Variants in USP22 observed in about 807,000 individuals in gnomAD.
USP22 encodes ubiquitin specific peptidase 22.
Under a neutral mutation model 68.1 loss-of-function variants are expected in USP22, and 22 were observed. That is an observed-to-expected ratio of 0.32 (90% CI 0.23 to 0.46). The LOEUF (loss-of-function observed/expected upper bound fraction) is 0.46. USP22 is among the 20% of genes least tolerant of loss of function. The pLI, the probability that USP22 is intolerant of heterozygous loss-of-function variation, is 1.00. For synonymous variants in USP22, 279 were observed against 274.2 expected, an observed-to-expected ratio of 1.02 and a Z score of -0.17; for missense variants, 433 against 695.8, an observed-to-expected ratio of 0.62 and a Z score of 4.25.
intron 2 of USP22, among the ~76,000 whole-genome samples, chr17:21,027,292 C>CAAAAAAAAAAAAAAGAAAA (rs1972233434): frequency 1.4e-5 from 1 of 72,300 alleles, no homozygotes; most frequent in Non-Finnish European, 2.7e-5. Context: ...ACCCTGTCTC[C>CAAAAAAAAAAAAAAGAAAA]AAAAAAAAAA....
chr17:21,004,769 TAGTGG>T, intron 11 of USP22, among the ~76,000 whole-genome samples, 154 bp downstream of exon 11: 2 of 26,882 alleles, frequency 7.4e-5, no homozygotes, highest in African/African-American at 1.1e-4. Context: ...CGGCCTTTCC[TAGTGG>T]AGCTGCGGGC....
intron 9 of USP22, 102 bp from the exon 10 acceptor site, chr17:21,007,089 T>C: frequency 9.7e-7 from 1 of 1,029,362 alleles, no homozygotes; most frequent in Non-Finnish European, 1.4e-6. Context: ...GTGTTATCTC[T>C]TTTGTATTTT....
chr17:21,021,629 C>T (rs74899524), intron 2 of USP22, among the ~76,000 whole-genome samples: 1 of 152,290 alleles, frequency 6.6e-6, no homozygotes, highest in South Asian at 2.1e-4. Context: ...GACACCATCA[C>T]CATAAAGAAT....
At chr17:21,031,553 A>G (rs894940944) in intron 1 of USP22, among the ~76,000 whole-genome samples, 10 of 150,236 alleles carry the variant, frequency 6.7e-5, no homozygotes, top group African/African-American at 2.0e-4. Flanking sequence ...TCTCTACTAC[A>G]CAACCTAGGA....
chr17:21,024,954 G>C (rs1972202527), intron 2 of USP22, among the ~76,000 whole-genome samples: 1 of 152,152 alleles, frequency 6.6e-6, no homozygotes, highest in Admixed American at 6.5e-5. Context: ...GGGTGACAGA[G>C]GGAGATAGTG....
At chr17:21,011,518 A>C (rs553758465) in intron 7 of USP22, 1 of 583,704 alleles carries the variant, frequency 1.7e-6, no homozygotes, top group South Asian at 2.0e-5. Context: ...GGTGTGTGTG[A>C]ACTCGGAAGG....
chr17:21,002,706 C>CG lies in USP22; in HGVS notation c.*324dup, dbSNP rs1913628892. 6.1e-6 allele frequency: 2 copies of CG among 329,226 alleles called. No homozygotes were observed. The highest frequency in any genetic ancestry group is 1.5e-4 in the East Asian group (2 of 13,688). The allele number at this position is 329,226 out of a possible 1,614,324, so 20.4% of individuals were successfully genotyped here. ...CCGAGTGCTGGGGAACGCCAGGCAG[C>CG]GGTCACTCTGTGCTGTGAGGCCCCC... On this transcript the variant is annotated 3_prime_UTR_variant, in exon 13 of 13. Coordinates refer to ENST00000261497, the MANE Select transcript of USP22 (RefSeq NM_015276.2).
chr17:21,012,795 G>C (rs767398843), intron 7 of USP22, 35 bp downstream of exon 7: 29 of 1,586,658 alleles, frequency 1.8e-5, no homozygotes, highest in South Asian at 6.6e-5. Context: ...GCCCCAGAGG[G>C]TTTGATATTG....
At chr17:21,013,051 C>A in intron 6 of USP22, 116 bp from the exon 7 acceptor site, 1 of 812,554 alleles carries the variant, frequency 1.2e-6, no homozygotes, top group South Asian at 1.7e-5. Flanking sequence ...CTTTAAAAGG[C>A]CATGTGAGGA....
chr17:21,033,435 C>T (rs1331469963), intron 1 of USP22, among the ~76,000 whole-genome samples: 1 of 152,134 alleles, frequency 6.6e-6, no homozygotes, highest in Non-Finnish European at 1.5e-5. Context: ...TCTGAATATC[C>T]TGTCCTCTTA....
intron 6 of USP22, among the ~76,000 whole-genome samples, chr17:21,013,542 T>G (rs943125383): frequency 6.6e-6 from 1 of 152,222 alleles, no homozygotes; most frequent in South Asian, 2.1e-4. Flanking sequence ...ACTTAATTCG[T>G]GTGTGGAATA....
intron 1 of USP22, among the ~76,000 whole-genome samples, chr17:21,036,046 A>G (rs2143644041): frequency 6.6e-6 from 1 of 151,224 alleles, no homozygotes; most frequent in East Asian, 1.9e-4. Flanking sequence ...AAAAAAAAAA[A>G]AAAAAAAAAG....
chr17:21,028,423 G>C, intron 2 of USP22, 119 bp downstream of exon 2: 1 of 1,445,680 alleles, frequency 6.9e-7, no homozygotes, highest in South Asian at 1.3e-5. Flanking sequence ...TGAGGGGCAC[G>C]CATTACTTGA....
At position 21,017,923 on chromosome 17, in the gene USP22, A is replaced by T; in HGVS notation, c.690+19T>A. On this transcript the variant is annotated intron_variant, in intron 5 of 12. Transcript: ENST00000261497. Reference sequence around the variant, plus strand: ...CAAAGTAACAGAAATGTTCCCCTGCAGAAGTCAATGGCGCTCACCTCCTGA... The same window carrying T: ...CAAAGTAACAGAAATGTTCCCCTGCTGAAGTCAATGGCGCTCACCTCCTGA... 6.2e-7 allele frequency: 1 copy of T among 1,611,628 alleles called. No homozygotes were observed. Among genetic ancestry groups the T allele is most frequent in the Non-Finnish European group, 8.5e-7 (1 of 1,179,340 alleles).
intron 8 of USP22, among the ~76,000 whole-genome samples, chr17:21,009,354 G>C (rs1485102785): frequency 6.6e-6 from 1 of 152,160 alleles, no homozygotes; most frequent in Non-Finnish European, 1.5e-5. Context: ...ATCTTAACTA[G>C]GGCAAGACGA....
At chr17:21,030,783 T>C (rs1051426342) in intron 1 of USP22, among the ~76,000 whole-genome samples, 3 of 152,206 alleles carry the variant, frequency 2.0e-5, no homozygotes, top group Admixed American at 1.3e-4. Context: ...TGAAATCAAA[T>C]GCAATCCATG....
chr17:21,007,142 AAC>A lies in USP22; in HGVS notation c.1231-157_1231-156del, dbSNP rs150310331. Among the ~76,000 whole-genome samples the A allele has an allele frequency of 6.5e-3, 996 of 152,356 alleles. 17 individuals are homozygous for A. Among genetic ancestry groups the A allele is most frequent in the African/African-American group, 0.023 (950 of 41,580 alleles). On this transcript the variant is annotated intron_variant, in intron 9 of 12. Transcript: ENST00000261497. ...CTACATCTAGAATTACAGATTCAAA[AAC>A]ACAGTGGCAATCCACCCAAGTCCTC...
In USP22 at chr17:21,004,786, GCC is replaced by G; in HGVS notation, c.1385+140_1385+141del. 97 of 86,192 alleles carry G rather than the reference GCC, an allele frequency of 1.1e-3. 39 individuals are homozygous for G. Among genetic ancestry groups the G allele is most frequent in the South Asian group, 7.8e-3 (16 of 2,046 alleles). 5.3% of individuals were successfully genotyped at this position (86,192 alleles called of 1,614,324 possible). A position where few individuals can be genotyped will look rare whatever the true frequency, so the allele number is the denominator to read the frequency against. On this transcript the variant is annotated intron_variant, in intron 11 of 12. Coordinates refer to ENST00000261497, the MANE Select transcript of USP22 (RefSeq NM_015276.2). ...GCCTTTCCTAGTGGAGCTGCGGGCA[GCC>G]AATAGTGGAGCTGCGGGCAGCCAAG...
intron 1 of USP22, among the ~76,000 whole-genome samples, chr17:21,038,605 C>T (rs1024546645): frequency 7.3e-5 from 11 of 151,224 alleles, no homozygotes; most frequent in African/African-American, 2.7e-4. Context: ...GAACTCGAGG[C>T]TGCAGTGAGC....
Sources: allele counts gnomAD v4.1 joint callset (sites outside exome capture counted in the v4.1 genomes callset), GRCh38; gene constraint gnomAD v4.1.1; transcripts MANE v1.5; gene names NCBI Gene and HGNC (gene_info 2026-07-23, HGNC 2026-07-21).